Variants in WDPCP observed in about 807,000 individuals in gnomAD.
The protein encoded by WDPCP is WD repeat-containing and planar cell polarity effector protein fritz homolog.
In WDPCP, 71 loss-of-function variants were observed where a neutral mutation model predicts 93.1. That is an observed-to-expected ratio of 0.76 (90% CI 0.63 to 0.93). The LOEUF (loss-of-function observed/expected upper bound fraction) is 0.93, where lower values mean the gene tolerates loss of function less well. Ranked by LOEUF, WDPCP falls within the 40% of genes least tolerant of loss-of-function variation. The pLI, the probability that WDPCP is intolerant of heterozygous loss-of-function variation, is 0.00. For missense variants in WDPCP, 844 were observed against 887.4 expected (o/e 0.95, Z 0.62); for synonymous variants, 315 against 315.0 (o/e 1.00, Z 0.00).
intron 10 of WDPCP, among the ~76,000 whole-genome samples, chr2:63,395,610 G>A (rs1019542208): frequency 7.9e-5 from 12 of 152,124 alleles, no homozygotes; most frequent in African/African-American, 1.2e-4. Context: ...ATCAGCTTCC[G>A]GAGAGGTGGG....
Position 63,121,144 on chromosome 2 carries a change from A to C in WDPCP, c.*862T>G, listed in dbSNP as rs1669525286. Among the ~76,000 whole-genome samples, 1 of 152,136 alleles carries C rather than the reference A, an allele frequency of 6.6e-6. No homozygotes were observed. The highest frequency in any genetic ancestry group is 1.5e-5 in the Non-Finnish European group (1 of 68,004). On this transcript the variant is annotated 3_prime_UTR_variant, in exon 18 of 18. Transcript: ENST00000272321. ...AGGCATTCTGAGTTTAAAGAACTCAAATCTCATATAAAAGTTGATAAGCAT... is the reference window on the plus strand; with the variant it reads ...AGGCATTCTGAGTTTAAAGAACTCACATCTCATATAAAAGTTGATAAGCAT...
At chr2:63,513,942 T>A (rs948015045) in intron 1 of WDPCP, among the ~76,000 whole-genome samples, 2 of 151,774 alleles carry the variant, frequency 1.3e-5, no homozygotes, top group African/African-American at 4.9e-5. Flanking sequence ...CTTGTTTACC[T>A]GTCCTTTGTT....
intron 13 of WDPCP, among the ~76,000 whole-genome samples, chr2:63,260,029 A>T (rs1476509488): frequency 6.6e-6 from 1 of 152,196 alleles, no homozygotes; most frequent in African/African-American, 2.4e-5. Flanking sequence ...AGTGCTGTGG[A>T]GCCAAAGAGG....
At chr2:63,709,608 C>T (rs1575754255) in intron 2 of WDPCP, among the ~76,000 whole-genome samples, 2 of 152,302 alleles carry the variant, frequency 1.3e-5, no homozygotes, top group East Asian at 1.9e-4. Context: ...CTAATAATTC[C>T]TAACTGCCTC....
intron 17 of WDPCP, among the ~76,000 whole-genome samples, chr2:63,142,449 G>C (rs965429198): frequency 1.3e-5 from 2 of 152,146 alleles, no homozygotes; most frequent in African/African-American, 4.8e-5. Context: ...TGGTTCTGAA[G>C]GTTCCTTTTG....
At chr2:63,123,076 G>A (rs1669661699) in intron 17 of WDPCP, among the ~76,000 whole-genome samples, 1 of 150,896 alleles carries the variant, frequency 6.6e-6, no homozygotes, top group Non-Finnish European at 1.5e-5. Context: ...GGAAAAACAG[G>A]TAGCAAGAAG....
At chr2:63,479,708 C>T (rs1700160086) in intron 6 of WDPCP, among the ~76,000 whole-genome samples, 1 of 152,146 alleles carries the variant, frequency 6.6e-6, no homozygotes, top group Non-Finnish European at 1.5e-5. Context: ...CAACATAATA[C>T]TGAATGGGGA....
At chr2:63,723,395 T>C (rs1368518755) in intron 2 of WDPCP, among the ~76,000 whole-genome samples, 1 of 152,148 alleles carries the variant, frequency 6.6e-6, no homozygotes, top group African/African-American at 2.4e-5. Flanking sequence ...ATAGTCACCA[T>C]CCAGTGTCTC....
chr2:63,136,788 A>C (rs1413966723), intron 17 of WDPCP, among the ~76,000 whole-genome samples: 1 of 151,912 alleles, frequency 6.6e-6, no homozygotes, highest in African/African-American at 2.4e-5. Flanking sequence ...TTTAGCTCCC[A>C]CTTGTAAGTG....
At chr2:63,261,265 T>G (rs1215138443) in intron 13 of WDPCP, among the ~76,000 whole-genome samples, 1 of 152,050 alleles carries the variant, frequency 6.6e-6, no homozygotes, top group African/African-American at 2.4e-5. Context: ...CAGCAGTGTT[T>G]TTCAGACCTT....
At chr2:63,398,582 C>T (rs769322567) in intron 10 of WDPCP, among the ~76,000 whole-genome samples, 19 of 152,150 alleles carry the variant, frequency 1.2e-4, no homozygotes, top group Non-Finnish European at 2.4e-4. Context: ...TTCAACATTA[C>T]ACTAACTGAC....
chr2:63,479,296 T>C (rs555598978), intron 6 of WDPCP, among the ~76,000 whole-genome samples: 2 of 152,080 alleles, frequency 1.3e-5, no homozygotes, highest in Admixed American at 6.6e-5. Context: ...TTGACACTAT[T>C]CCACAAGATA....
intron 2 of WDPCP, among the ~76,000 whole-genome samples, chr2:63,797,165 T>C (rs543261304): frequency 4.2e-4 from 64 of 152,312 alleles, no homozygotes; most frequent in African/African-American, 1.4e-3. Context: ...TCTTGGACTC[T>C]GAATAATCAG....
intron 10 of WDPCP, among the ~76,000 whole-genome samples, chr2:63,389,570 G>A (rs1287480364): frequency 1.3e-5 from 2 of 152,096 alleles, no homozygotes; most frequent in East Asian, 3.9e-4. Flanking sequence ...TGTAAATGGG[G>A]TAAAAGCCCC....
At chr2:63,584,043 C>T (rs149344693) in intron 1 of WDPCP, among the ~76,000 whole-genome samples, 3 of 152,162 alleles carry the variant, frequency 2.0e-5, no homozygotes, top group East Asian at 3.9e-4. Context: ...GCCTATAATA[C>T]CAGCGCTTTG....
chr2:63,380,118 G>C (rs962217799), intron 11 of WDPCP, among the ~76,000 whole-genome samples: 7 of 152,060 alleles, frequency 4.6e-5, no homozygotes, highest in African/African-American at 7.2e-5. Context: ...TCAGTGTGCT[G>C]AGGGTCAATA....
At chr2:63,608,512 C>A (rs1020019107) in intron 3 of WDPCP, among the ~76,000 whole-genome samples, 5 of 152,034 alleles carry the variant, frequency 3.3e-5, no homozygotes, top group African/African-American at 9.7e-5. Context: ...TAACATAGTA[C>A]TCTTCATGGA....
intron 2 of WDPCP, among the ~76,000 whole-genome samples, chr2:63,676,243 G>A (rs747295458): frequency 1.3e-5 from 2 of 152,188 alleles, no homozygotes; most frequent in Admixed American, 1.3e-4. Flanking sequence ...CGGGCATTTC[G>A]TCTCCATTTC....
chr2:63,525,041 A>T (rs977069698), intron 1 of WDPCP, among the ~76,000 whole-genome samples: 1 of 152,246 alleles, frequency 6.6e-6, no homozygotes, highest in African/African-American at 2.4e-5. Context: ...TGGTATAGAT[A>T]CACAAAGTAA....
Sources: gnomAD v4.1 joint callset for allele counts (sites outside exome capture counted in the v4.1 genomes callset) on GRCh38, gnomAD v4.1.1 for gene constraint, MANE v1.5 for transcripts, NCBI Gene and HGNC (gene_info 2026-07-23, HGNC 2026-07-21) for gene names.